The following WDR19 variants were observed in gnomAD, a reference collection of about 807,000 sequenced individuals.
WDR19 encodes the protein WD repeat domain 19.
WDR19 carries 121 observed loss-of-function variants against 180.0 expected under a neutral mutation model. That is an observed-to-expected ratio of 0.67 (90% CI 0.58 to 0.78). The LOEUF (loss-of-function observed/expected upper bound fraction) is 0.78. Among genes scored for constraint, WDR19 ranks in the 30% least tolerant of loss-of-function variants. The pLI, the probability that WDR19 is intolerant of heterozygous loss-of-function variation, is 0.00. For missense variants in WDR19, 1,450 were observed against 1,640.7 expected (o/e 0.88, Z 2.01); for synonymous variants, 497 against 540.7 (o/e 0.92, Z 1.12).
In WDR19 at chr4:39,186,591, A is replaced by G; in HGVS notation, c.151A>G (p.Ile51Val). ...FDRHGQKRSE[I>V]NLPGNCVAMD... ...TCGCCATGGTCAAAAAAGAAGTGAAATTAACTTACCTGGGTAAGTACAGAA... is the reference window on the plus strand; with the variant it reads ...TCGCCATGGTCAAAAAAGAAGTGAAGTTAACTTACCTGGGTAAGTACAGAA... The change falls in exon 3 of 37, where the codon ATT becomes GTT. Residue 51 changes from isoleucine to valine, a missense_variant. Ile to Val is a conservative substitution (Grantham distance 29, BLOSUM62 3). Transcript: ENST00000399820. 3 of 1,582,610 alleles carry G rather than the reference A, an allele frequency of 1.9e-6. No individual in the cohort carries two copies. Among genetic ancestry groups the G allele is most frequent in the Non-Finnish European group, 8.6e-7 (1 of 1,167,172 alleles).
chr4:39,281,571 T>A (rs1305135088), intron 36 of WDR19, among the ~76,000 whole-genome samples: 1 of 152,132 alleles, frequency 6.6e-6, no homozygotes, highest in Non-Finnish European at 1.5e-5. Flanking sequence ...ATTCTTTTTA[T>A]CTTTGTAGAC....
chr4:39,279,292 T>A (rs957858222), intron 36 of WDR19, among the ~76,000 whole-genome samples: 5 of 152,164 alleles, frequency 3.3e-5, no homozygotes, highest in Non-Finnish European at 5.9e-5. Flanking sequence ...AGTCGAGATG[T>A]CCCTCCACAA....
chr4:39,218,228 A>T, intron 14 of WDR19, 123 bp downstream of exon 14: 1 of 1,208,640 alleles, frequency 8.3e-7, no homozygotes, highest in Non-Finnish European at 1.2e-6. Flanking sequence ...TAATGAAGTT[A>T]TCTGTGATTA....
chr4:39,224,843 A>G, intron 14 of WDR19, 41 bp from the exon 15 acceptor site: 3 of 1,457,398 alleles, frequency 2.1e-6, no homozygotes, highest in South Asian at 1.4e-5. Flanking sequence ...TTCCTTGACT[A>G]CCTTTTATAT....
intron 24 of WDR19, 24 bp from the exon 25 acceptor site, chr4:39,253,122 T>C: frequency 6.5e-7 from 1 of 1,549,878 alleles, no homozygotes; most frequent in Non-Finnish European, 8.7e-7. Context: ...TTAAAAAAAG[T>C]TTATCTGAGC....
At chr4:39,268,409 C>T (rs765844469) in intron 30 of WDR19, among the ~76,000 whole-genome samples, 1 of 152,158 alleles carries the variant, frequency 6.6e-6, no homozygotes, top group African/African-American at 2.4e-5. Flanking sequence ...TACAGTCTCA[C>T]GGCATTTTCT....
rs750719225 is a variant in WDR19, at chr4:39,199,528, C to T, written c.457C>T (p.Leu153Phe). ...TGGATGTTGGAATGCAGAAAATCTG[C>T]TTGCTTTAGGTGGTGAAGATAAAAT... ...TCGCWNAENL[L>F]ALGGEDKMIT... Residue 153 changes from leucine to phenylalanine, a missense_variant, in exon 6 of 37, where the codon CTT becomes TTT. Leu to Phe is a conservative substitution (Grantham distance 22). Transcript: ENST00000399820. 6.2e-7 allele frequency: 1 copy of T among 1,613,288 alleles called. No individual in the cohort carries two copies. Among genetic ancestry groups the T allele is most frequent in the Non-Finnish European group, 8.5e-7 (1 of 1,179,674 alleles).
rs1735531869 is a variant in WDR19, at chr4:39,273,042, C to T, written c.3546C>T (p.Asn1182=). 1 of 1,605,308 alleles carries T rather than the reference C, an allele frequency of 6.2e-7. No individual in the cohort carries two copies. Among genetic ancestry groups the T allele is most frequent in the South Asian group, 1.1e-5 (1 of 88,686 alleles). The change falls in exon 32 of 37, where the codon AAC becomes AAT. Residue 1182 remains asparagine (N), a synonymous_variant. Coordinates refer to ENST00000399820, the MANE Select transcript of WDR19 (RefSeq NM_025132.4). ...GARMLIRVAN[N]ISKFPSHIVP... ...GCATGCTCATTCGGGTGGCCAACAA[C>T]ATCAGCAAATTTCCATCACGTAAGT...
chr4:39,233,890 G>T (rs1731127090), intron 19 of WDR19, among the ~76,000 whole-genome samples: 1 of 152,152 alleles, frequency 6.6e-6, no homozygotes, highest in African/African-American at 2.4e-5. Context: ...AGGATTTGAG[G>T]TAATGGATTG....
chr4:39,197,678 C>T (rs2109274948), intron 5 of WDR19, among the ~76,000 whole-genome samples: 1 of 152,100 alleles, frequency 6.6e-6, no homozygotes, highest in Admixed American at 6.5e-5. Flanking sequence ...ATAGTTTTTG[C>T]ACTGACTGGA....
At chr4:39,185,307 G>A (rs922504699) in intron 1 of WDR19, among the ~76,000 whole-genome samples, 2 of 152,174 alleles carry the variant, frequency 1.3e-5, no homozygotes, top group Non-Finnish European at 2.9e-5. Flanking sequence ...AAGACATTTT[G>A]TGTTTTTATC....
intron 4 of WDR19, among the ~76,000 whole-genome samples, chr4:39,190,591 G>A (rs763598059): frequency 2.6e-5 from 4 of 152,114 alleles, no homozygotes; most frequent in Admixed American, 6.6e-5. Context: ...TCATATACAC[G>A]CTATGAGACC....
At chr4:39,203,155 A>G (rs1727557958) in intron 6 of WDR19, among the ~76,000 whole-genome samples, 1 of 144,102 alleles carries the variant, frequency 6.9e-6, no homozygotes, top group Non-Finnish European at 1.5e-5. Context: ...TCTGAAGTGC[A>G]GTGGCATGAT....
At chr4:39,281,262 G>GAGAGAGAT (rs1736510597) in intron 36 of WDR19, among the ~76,000 whole-genome samples, 1 of 147,316 alleles carries the variant, frequency 6.8e-6, no homozygotes, top group African/African-American at 2.6e-5. Flanking sequence ...GAGAGAGAGA[G>GAGAGAGAT]AAAGCCTACT....
intron 7 of WDR19, 113 bp downstream of exon 7, chr4:39,203,835 G>A (rs554233337): frequency 3.0e-5 from 32 of 1,062,422 alleles, no homozygotes; most frequent in Non-Finnish European, 4.1e-5. Flanking sequence ...TCCATTGACT[G>A]TATTTTAAGC....
At chr4:39,224,234 G>A (rs777497708) in intron 14 of WDR19, among the ~76,000 whole-genome samples, 30 of 151,974 alleles carry the variant, frequency 2.0e-4, no homozygotes, top group Non-Finnish European at 5.9e-5. Flanking sequence ...TTGAAATAAT[G>A]TATTTAAAAG....
intron 15 of WDR19, among the ~76,000 whole-genome samples, chr4:39,227,628 T>C (rs1002016231): frequency 6.6e-6 from 1 of 152,200 alleles, no homozygotes; most frequent in Non-Finnish European, 1.5e-5. Flanking sequence ...TTTATACACA[T>C]ATTACACCAT....
At chr4:39,238,616 G>A (rs1010638187) in intron 20 of WDR19, among the ~76,000 whole-genome samples, 1 of 152,104 alleles carries the variant, frequency 6.6e-6, no homozygotes, top group Admixed American at 6.5e-5. Flanking sequence ...TTTCCACTTA[G>A]GAACATTGCT....
chr4:39,230,339 G>T (rs1730708992), intron 17 of WDR19, among the ~76,000 whole-genome samples: 1 of 152,124 alleles, frequency 6.6e-6, no homozygotes, highest in African/African-American at 2.4e-5. Context: ...GCCATCTCCT[G>T]CTCCAGGAAG....
Sources: allele counts gnomAD v4.1 joint callset (sites outside exome capture counted in the v4.1 genomes callset), GRCh38; gene constraint gnomAD v4.1.1; transcripts MANE v1.5; gene names NCBI Gene and HGNC (gene_info 2026-07-23, HGNC 2026-07-21).